Variants in CALB2 observed in about 807,000 individuals in gnomAD.
The protein encoded by CALB2 is calbindin 2.
Under a neutral mutation model 45.9 loss-of-function variants are expected in CALB2, and 34 were observed. The ratio of observed to expected loss-of-function variants is 0.74; its 90% confidence interval spans 0.56 to 0.99. The LOEUF is 0.99. Among genes scored for constraint, CALB2 ranks in the 50% least tolerant of loss-of-function variants. The pLI, the probability that CALB2 is intolerant of heterozygous loss-of-function variation, is 0.00. For missense variants in CALB2, 344 were observed against 339.3 expected, an observed-to-expected ratio of 1.01 and a Z score of -0.11; for synonymous variants, 142 against 129.6, an observed-to-expected ratio of 1.10 and a Z score of -0.65.
intron 2 of CALB2, among the ~76,000 whole-genome samples, chr16:71,372,925 G>A (rs965586819): frequency 3.9e-5 from 6 of 152,168 alleles, no homozygotes; most frequent in South Asian, 2.1e-4. Flanking sequence ...TGAACCAGAC[G>A]GCACTGGCTG....
intron 8 of CALB2, 141 bp downstream of exon 8, chr16:71,384,519 A>AAC: frequency 1.4e-6 from 1 of 716,604 alleles, no homozygotes; most frequent in Admixed American, 1.9e-5. Context: ...CCACACACAC[A>AAC]ACACACACAG....
chr16:71,389,754 G>A lies in CALB2; in HGVS notation c.705G>A (p.Met235Ile), dbSNP rs1175187273. 2 of 1,612,944 alleles carry A rather than the reference G, an allele frequency of 1.2e-6. No homozygotes were observed. Among genetic ancestry groups the A allele is most frequent in the Admixed American group, 1.7e-5 (1 of 60,018 alleles). The change falls in exon 11 of 11, where the codon ATG becomes ATA. Residue 235 changes from methionine (M) to isoleucine (I), a missense_variant. By Grantham distance (10) the Met-to-Ile change is conservative (BLOSUM62 1). Coordinates refer to ENST00000302628, the MANE Select transcript of CALB2 (RefSeq NM_001740.5). ...CCTCTCCCTGTATTTCCTAGGAAAT[G>A]AATATTCAACAGCTCACCAACTACA... ...KDLYEKNKKE[M>I]NIQQLTNYRK... is the part of the protein sequence containing the mutation.
Position 71,367,312 on chromosome 16 carries a change from C to T in CALB2, c.95-4841C>T, listed in dbSNP as rs1033431974. ...ACCACGTCTTTATCGATGTCTTTAT[C>T]GATGCCCATCCGCATGAGCCTTGCT... On this transcript the variant is annotated intron_variant, in intron 1 of 10. Coordinates refer to ENST00000302628, the MANE Select transcript of CALB2 (RefSeq NM_001740.5). 4.6e-5 allele frequency among the ~76,000 whole-genome samples: 7 copies of T among 152,036 alleles called. No individual in the cohort carries two copies. The East Asian group carries it at 7.7e-4, about 17-fold the overall frequency.
intron 1 of CALB2, among the ~76,000 whole-genome samples, chr16:71,361,845 A>G (rs1324310211): frequency 6.6e-6 from 1 of 152,246 alleles, no homozygotes; most frequent in East Asian, 1.9e-4. Flanking sequence ...CTAGGACTCA[A>G]AGAGGCAAAA....
intron 4 of CALB2, among the ~76,000 whole-genome samples, chr16:71,381,014 G>A (rs950621253): frequency 6.6e-6 from 1 of 152,188 alleles, no homozygotes; most frequent in Non-Finnish European, 1.5e-5. Flanking sequence ...ATCCTGGCGG[G>A]GTGCATGGTC....
At chr16:71,376,475 A>C (rs191139467) in intron 3 of CALB2, among the ~76,000 whole-genome samples, 2 of 152,244 alleles carry the variant, frequency 1.3e-5, no homozygotes, top group Admixed American at 1.3e-4. Context: ...ACATCCACAT[A>C]CACCCACATG....
intron 10 of CALB2, among the ~76,000 whole-genome samples, chr16:71,386,086 G>T (rs2042567736): frequency 6.6e-6 from 1 of 152,190 alleles, no homozygotes; most frequent in East Asian, 1.9e-4. Context: ...CTCATGTAAA[G>T]AAAATAGTAT....
intron 10 of CALB2, among the ~76,000 whole-genome samples, chr16:71,387,877 G>A (rs1490170061): frequency 6.6e-6 from 1 of 152,128 alleles, no homozygotes; most frequent in Non-Finnish European, 1.5e-5. Context: ...TGCTTGCAAA[G>A]TGCCCTTGGG....
intron 9 of CALB2, 62 bp from the exon 10 acceptor site, chr16:71,385,514 AT>A: frequency 6.9e-7 from 1 of 1,445,760 alleles, no homozygotes; most frequent in Non-Finnish European, 9.7e-7. Flanking sequence ...CATCCCTGGA[AT>A]GGGTCGGGAC....
At chr16:71,375,566 A>C (rs999335758) in intron 3 of CALB2, among the ~76,000 whole-genome samples, 2 of 152,158 alleles carry the variant, frequency 1.3e-5, no homozygotes, top group African/African-American at 4.8e-5. Context: ...ATAAATAAGA[A>C]TGATGATGGT....
chr16:71,373,555 G>A (rs1034968048), intron 2 of CALB2, among the ~76,000 whole-genome samples: 4 of 152,246 alleles, frequency 2.6e-5, no homozygotes, highest in Non-Finnish European at 4.4e-5. Context: ...GATGTCATCC[G>A]GGTAATTTTC....
chr16:71,389,814 G>C lies in CALB2; in HGVS notation c.765G>C (p.Lys255Asn). ...TCATGTCCTTGGCAGAGGCAGGGAA[G>C]CTCTACCGCAAGGACCTGGAGATTG... Reference protein sequence around the residue: ...KSVMSLAEAGKLYRKDLEIVL... With the variant: ...KSVMSLAEAGNLYRKDLEIVL... Residue 255 changes from lysine (K) to asparagine (N), a missense_variant, in exon 11 of 11, where the codon AAG becomes AAC. Physicochemically the swap from Lys to Asn is moderately conservative, Grantham distance 94. Around this residue, in one of 3 missense-constraint regions of CALB2, gnomAD observed 263 missense variants for 241.7 expected, o/e 1.09. Coordinates refer to ENST00000302628, the MANE Select transcript of CALB2 (RefSeq NM_001740.5). 1 of 1,614,014 alleles carries C rather than the reference G, an allele frequency of 6.2e-7. No individual in the cohort carries two copies. The highest frequency in any genetic ancestry group is 8.5e-7 in the Non-Finnish European group (1 of 1,179,988).
At chr16:71,385,468 T>C in intron 9 of CALB2, 109 bp from the exon 10 acceptor site, 1 of 853,846 alleles carries the variant, frequency 1.2e-6, no homozygotes, top group Non-Finnish European at 1.9e-6. Flanking sequence ...GAACACCCCC[T>C]TTTGCACAGA....
At chr16:71,368,161 C>T (rs75279202) in intron 1 of CALB2, among the ~76,000 whole-genome samples, 1,695 of 152,300 alleles carry the variant, frequency 0.011, 30 homozygotes, top group African/African-American at 0.038. Flanking sequence ...CAGCATAAGC[C>T]CCACCATGGC....
rs1487818092 is a variant in CALB2 at position 71,380,287 on chromosome 16, CTTTTCTTT to C, written c.343-2427_343-2420del. 2.7e-3 allele frequency among the ~76,000 whole-genome samples: 237 copies of C among 86,728 alleles called. 2 individuals are homozygous for C. The highest frequency in any genetic ancestry group is 4.1e-3 in the Non-Finnish European group (178 of 43,780). 56.9% of individuals were successfully genotyped at this position (86,728 alleles called of 152,430 possible). On this transcript the variant is annotated intron_variant, in intron 4 of 10. Transcript: ENST00000302628. ...CTTTTCTTTCTTTCTTCTTTCCTTCCTTTTCTTTTTTTTTTTTTTTTTTTTTTTTTTTT... is the reference window on the plus strand; with the variant it reads ...CTTTTCTTTCTTTCTTCTTTCCTTCCTTTTTTTTTTTTTTTTTTTTTTTTT...
At chr16:71,368,938 AAAAT>A (rs1257782969) in intron 1 of CALB2, among the ~76,000 whole-genome samples, 1 of 152,154 alleles carries the variant, frequency 6.6e-6, no homozygotes, top group Non-Finnish European at 1.5e-5. Flanking sequence ...AGATGGAGTA[AAAAT>A]AAATACTTAT....
intron 5 of CALB2, among the ~76,000 whole-genome samples, chr16:71,383,080 C>T (rs1056857543): frequency 6.6e-5 from 10 of 152,178 alleles, no homozygotes; most frequent in African/African-American, 2.4e-4. Context: ...CTCTGGCTAT[C>T]ACCCAGTGAT....
At chr16:71,384,451 A>C in intron 8 of CALB2, 73 bp downstream of exon 8, 3 of 1,175,744 alleles carry the variant, frequency 2.6e-6, no homozygotes, top group Non-Finnish European at 3.8e-6. Context: ...CCTTCCCCCA[A>C]CGCACCACAC....
At chr16:71,381,996 GAGTGAGACCC>G (rs2042497091) in intron 4 of CALB2, among the ~76,000 whole-genome samples, 1 of 130,908 alleles carries the variant, frequency 7.6e-6, no homozygotes, top group Non-Finnish European at 1.6e-5. Context: ...CTGGGTGACA[GAGTGAGACCC>G]TGTCTCAAAA....
Sources: gnomAD v4.1 joint callset for allele counts (sites outside exome capture counted in the v4.1 genomes callset) on GRCh38, gnomAD v4.1.1 for gene constraint, gnomAD v4.1.1 regional missense constraint, MANE v1.5 for transcripts, NCBI Gene and HGNC (gene_info 2026-07-23, HGNC 2026-07-21) for gene names.